CNTNAP2: variants seen among roughly 807,000 people sequenced by gnomAD.
The protein encoded by CNTNAP2 is contactin associated protein 2, also known as contactin-associated protein-like 2.
A neutral mutation model predicts 155.2 loss-of-function variants in CNTNAP2; 98 were observed. The ratio of observed to expected loss-of-function variants is 0.63; its 90% CI spans 0.54 to 0.75. The LOEUF (loss-of-function observed/expected upper bound fraction) is 0.75. Ranked by LOEUF, CNTNAP2 falls within the 30% of genes least tolerant of loss-of-function variation. CNTNAP2 has a pLI of 0.00. For missense variants in CNTNAP2, 1,727 were observed against 1,688.1 expected (o/e 1.02, Z -0.40); for synonymous variants, 651 against 631.2 (o/e 1.03, Z -0.47).
chr7:147,413,456 T>C (rs1234804318), intron 10 of CNTNAP2, among the ~76,000 whole-genome samples: 1 of 152,106 alleles, frequency 6.6e-6, no homozygotes, highest in Non-Finnish European at 1.5e-5. Flanking sequence ...AAAAGTTATT[T>C]ACATGGTAAA....
At chr7:146,434,839 G>A (rs1010028159) in intron 1 of CNTNAP2, among the ~76,000 whole-genome samples, 12 of 152,078 alleles carry the variant, frequency 7.9e-5, no homozygotes, top group Admixed American at 7.9e-4. Context: ...AAAGAAACTT[G>A]TGGCAGTTCA....
rs374635938 is a variant in CNTNAP2 at position 146,165,657 on chromosome 7, TC to T, written c.97+48685del. ...ATCTAAATCTGTATCTATCTGTATG[TC>T]TTCAATTAAAATCCCCACTTTATTA... On this transcript the variant is annotated intron_variant, in intron 1 of 23. Coordinates refer to ENST00000361727, the MANE Select transcript of CNTNAP2 (RefSeq NM_014141.6). 2.6e-3 allele frequency among the ~76,000 whole-genome samples: 400 copies of T among 152,330 alleles called. 4 individuals carry two copies. The highest frequency in any genetic ancestry group is 9.3e-3 in the African/African-American group (387 of 41,588).
At chr7:147,812,844 C>CT (rs1346321482) in intron 13 of CNTNAP2, among the ~76,000 whole-genome samples, 1 of 152,110 alleles carries the variant, frequency 6.6e-6, no homozygotes, top group Non-Finnish European at 1.5e-5. Context: ...AGCAAATGAG[C>CT]ACATGATGGA....
intron 1 of CNTNAP2, among the ~76,000 whole-genome samples, chr7:146,341,106 T>C (rs1028873239): frequency 5.9e-5 from 9 of 152,162 alleles, no homozygotes; most frequent in Non-Finnish European, 4.4e-5. Context: ...TATCTATCCT[T>C]TTGTTTAAAC....
intron 8 of CNTNAP2, chr7:147,167,560 A>G: frequency 1.2e-6 from 1 of 801,466 alleles, no homozygotes; most frequent in African/African-American, 1.7e-5. Context: ...GCTCTCCCAG[A>G]TGACGATGAT....
At chr7:146,609,649 T>C (rs1487332085) in intron 1 of CNTNAP2, among the ~76,000 whole-genome samples, 1 of 152,184 alleles carries the variant, frequency 6.6e-6, no homozygotes, top group Non-Finnish European at 1.5e-5. Context: ...TAGAGGTGTT[T>C]GTCCAAAAAT....
chr7:147,169,789 GT>G (rs1802190217), intron 8 of CNTNAP2, among the ~76,000 whole-genome samples: 1 of 152,082 alleles, frequency 6.6e-6, no homozygotes, highest in Non-Finnish European at 1.5e-5. Context: ...CAGTAATAAA[GT>G]TTGGGTCTTT....
At chr7:146,138,981 G>A (rs1005580910) in intron 1 of CNTNAP2, among the ~76,000 whole-genome samples, 6 of 152,096 alleles carry the variant, frequency 3.9e-5, no homozygotes, top group African/African-American at 1.4e-4. Context: ...AGTCGAAAAT[G>A]CATTGAATAC....
intron 1 of CNTNAP2, among the ~76,000 whole-genome samples, chr7:146,233,754 T>C (rs947031827): frequency 1.3e-5 from 2 of 151,976 alleles, no homozygotes; most frequent in Non-Finnish European, 2.9e-5. Flanking sequence ...CTGAGAATGA[T>C]GATTTCCAAT....
intron 22 of CNTNAP2, among the ~76,000 whole-genome samples, chr7:148,405,809 T>C (rs1285123973): frequency 6.8e-6 from 1 of 146,986 alleles, no homozygotes; most frequent in East Asian, 2.0e-4. Flanking sequence ...AGAGACGGGG[T>C]TTCACCATGT....
chr7:146,155,466 C>G (rs2116785905), intron 1 of CNTNAP2, among the ~76,000 whole-genome samples: 1 of 152,076 alleles, frequency 6.6e-6, no homozygotes, highest in Non-Finnish European at 1.5e-5. Flanking sequence ...TGTGTCCCGG[C>G]CAGTCATGAT....
chr7:147,147,456 A>C (rs1263473473), intron 8 of CNTNAP2, among the ~76,000 whole-genome samples: 1 of 152,158 alleles, frequency 6.6e-6, no homozygotes, highest in Non-Finnish European at 1.5e-5. Flanking sequence ...TAATTCAATA[A>C]ATGATTCCTT....
At chr7:147,009,139 T>C (rs560891653) in intron 3 of CNTNAP2, among the ~76,000 whole-genome samples, 4 of 152,168 alleles carry the variant, frequency 2.6e-5, no homozygotes, top group African/African-American at 7.2e-5. Context: ...AACATACATA[T>C]AAGTAGCGCA....
intron 13 of CNTNAP2, among the ~76,000 whole-genome samples, chr7:147,726,509 G>A (rs1419582129): frequency 6.6e-6 from 1 of 151,978 alleles, no homozygotes; most frequent in East Asian, 1.9e-4. Flanking sequence ...CTGTCTTTAT[G>A]TTAAGGGCAG....
At chr7:146,906,574 G>C (rs1796133266) in intron 3 of CNTNAP2, among the ~76,000 whole-genome samples, 1 of 151,978 alleles carries the variant, frequency 6.6e-6, no homozygotes, top group South Asian at 2.1e-4. Flanking sequence ...TATTCCAACA[G>C]ACCTGCAGCT....
At chr7:146,288,931 A>T (rs978113915) in intron 1 of CNTNAP2, among the ~76,000 whole-genome samples, 2 of 147,674 alleles carry the variant, frequency 1.4e-5, no homozygotes, top group Admixed American at 1.4e-4. Flanking sequence ...CAGCCTCTGG[A>T]GTAGCTGGGA....
chr7:146,922,876 C>G (rs1796532847), intron 3 of CNTNAP2, among the ~76,000 whole-genome samples: 1 of 152,084 alleles, frequency 6.6e-6, no homozygotes, highest in African/African-American at 2.4e-5. Context: ...ATATTTTTTA[C>G]TCTACGGGAA....
In CNTNAP2 at chr7:146,544,475, A is replaced by G. The variant is rs117290869; in HGVS notation, c.98-229796A>G. Among the ~76,000 whole-genome samples, 799 of 152,122 alleles carry G rather than the reference A, an allele frequency of 5.3e-3. 4 individuals carry two copies. The highest frequency in any genetic ancestry group is 8.3e-3 in the Non-Finnish European group (562 of 67,960). The stretch of plus-strand genomic sequence containing the variant: ...GTTGTTCTTCCCTGAGTAACAAAAT[A>G]TGAATGATAACACTATTTTGATTGG... On this transcript the variant is annotated intron_variant, in intron 1 of 23. Transcript: ENST00000361727.
At chr7:146,466,879 G>A (rs1172934425) in intron 1 of CNTNAP2, among the ~76,000 whole-genome samples, 1 of 152,110 alleles carries the variant, frequency 6.6e-6, no homozygotes, top group African/African-American at 2.4e-5. Flanking sequence ...CTGTTCCTGT[G>A]AAGACAGCTA....
Sources: gnomAD v4.1 joint callset for allele counts (sites outside exome capture counted in the v4.1 genomes callset) on GRCh38, gnomAD v4.1.1 for gene constraint, MANE v1.5 for transcripts, NCBI Gene and HGNC (gene_info 2026-07-23, HGNC 2026-07-21) for gene names.